Variants in LRRC32 observed in about 807,000 individuals in gnomAD.
The protein encoded by LRRC32 is leucine rich repeat containing 32.
In LRRC32, 5 loss-of-function variants were observed where a neutral mutation model predicts 15.0. The ratio of observed to expected loss-of-function variants is 0.33; its 90% CI spans 0.17 to 0.70. The LOEUF (loss-of-function observed/expected upper bound fraction) is 0.70, where lower values mean the gene tolerates loss of function less well. Among genes scored for constraint, LRRC32 ranks in the 30% least tolerant of loss-of-function variants. The pLI, the probability that LRRC32 is intolerant of heterozygous loss-of-function variation, is 0.66. For synonymous variants in LRRC32, 391 were observed against 403.9 expected, an observed-to-expected ratio of 0.97 and a Z score of 0.38; for missense variants, 803 against 854.2, an observed-to-expected ratio of 0.94 and a Z score of 0.75.
In LRRC32 at chr11:76,660,374, CAAAGGTGTATG is replaced by C; in HGVS notation, c.1208_1218del (p.Pro403ArgfsTer24). ...AGCCGCTGCAGGCTGGCCAGATTGGCAAAGGTGTATGGGGGCAGGTCCCGCAGGGCATTGCC... is the reference window on the plus strand; with the variant it reads ...AGCCGCTGCAGGCTGGCCAGATTGGCGGGGCAGGTCCCGCAGGGCATTGCC... On this transcript the variant is annotated frameshift_variant, in exon 3 of 3. Transcript: ENST00000260061. LOFTEE classifies it low-confidence loss of function (END_TRUNC). The C allele has an allele frequency of 6.2e-7, 1 of 1,613,478 alleles. No individual in the cohort carries two copies.
chr11:76,659,796 G>C lies in LRRC32; in HGVS notation c.1797C>G (p.Ile599Met). The C allele has an allele frequency of 6.2e-7, 1 of 1,614,220 alleles. No individual in the cohort carries two copies. Among genetic ancestry groups the C allele is most frequent in the Non-Finnish European group, 8.5e-7 (1 of 1,180,040 alleles). Reference sequence around the variant, plus strand: ...CCTCCTCCTGGGAGCTGAAGCGGCAGATCAGGTCCTGGGTGGCGTCCACGT... The same window carrying C: ...CCTCCTCCTGGGAGCTGAAGCGGCACATCAGGTCCTGGGTGGCGTCCACGT... ...RVDVDATQDL[I>M]CRFSSQEEVS... The change falls in exon 3 of 3, where the codon ATC (isoleucine) becomes ATG (methionine). Residue 599 changes from isoleucine to methionine, a missense_variant. Physicochemically the swap from Ile to Met is conservative, Grantham distance 10 (BLOSUM62 1). Coordinates refer to ENST00000260061, the MANE Select transcript of LRRC32 (RefSeq NM_001128922.2).
At position 76,665,906 on chromosome 11, in the gene LRRC32, C is replaced by T; in HGVS notation, c.49G>A (p.Ala17Thr). The change falls in exon 2 of 3, where the codon GCT becomes ACT. Residue 17 changes from alanine (A) to threonine (T), a missense_variant. By Grantham distance (58) the Ala-to-Thr change is moderately conservative. Transcript: ENST00000260061. ...LLLALLTLGL[A>T]AQHQDKVPCK... Reference sequence around the variant, plus strand: ...GGCACTTTGTCTTGGTGTTGTGCAGCCAGGCCTAGGGTCAGCAGGGCCAGG... The same window carrying T: ...GGCACTTTGTCTTGGTGTTGTGCAGTCAGGCCTAGGGTCAGCAGGGCCAGG... The T allele has an allele frequency of 6.2e-7, 1 of 1,614,070 alleles. No individual in the cohort carries two copies. The highest frequency in any genetic ancestry group is 1.3e-5 in the African/African-American group (1 of 75,022).
rs1185477302 is a variant in LRRC32, at chr11:76,659,693, A to C, written c.1900T>G (p.Phe634Val). The C allele has an allele frequency of 6.2e-7, 1 of 1,614,072 alleles. No homozygotes were observed. Among genetic ancestry groups the C allele is most frequent in the Non-Finnish European group, 8.5e-7 (1 of 1,180,024 alleles). ...AGGAGGATGGCAGAGACCAGTATGA[A>C]GGTGAGGATGATGATGAGGTTGATG... ...KNINLIIILTFILVSAILLTT... is the reference protein window; with the variant it reads ...KNINLIIILTVILVSAILLTT... Residue 634 changes from phenylalanine to valine, a missense_variant, in exon 3 of 3, where the codon TTC becomes GTC. By Grantham distance (50) the Phe-to-Val change is conservative. Coordinates refer to ENST00000260061, the MANE Select transcript of LRRC32 (RefSeq NM_001128922.2).
At chr11:76,665,499 C>CATCCCTCATCCCAG (rs1952610688) in intron 2 of LRRC32, among the ~76,000 whole-genome samples, 1 of 152,156 alleles carries the variant, frequency 6.6e-6, no homozygotes, top group African/African-American at 2.4e-5. Flanking sequence ...TCCCAGCTGG[C>CATCCCTCATCCCAG]CTACCCCAAA....
intron 2 of LRRC32, among the ~76,000 whole-genome samples, chr11:76,665,566 G>C (rs1382606142): frequency 6.6e-6 from 1 of 152,132 alleles, no homozygotes; most frequent in African/African-American, 2.4e-5. Flanking sequence ...TGCTCTGTGG[G>C]GACAGCTTGG....
chr11:76,670,055 A>G (rs2120124803), intron 1 of LRRC32: 1 of 152,462 alleles, frequency 6.6e-6, no homozygotes, highest in East Asian at 1.9e-4. Context: ...AGACATGTGC[A>G]TCCCACGGGG....
chr11:76,667,675 G>A (rs975531394), intron 1 of LRRC32, among the ~76,000 whole-genome samples: 4 of 152,224 alleles, frequency 2.6e-5, no homozygotes, highest in South Asian at 2.1e-4. Flanking sequence ...GCCACCGCCC[G>A]TTAGAAAGTT....
rs748864675 is a variant in LRRC32 at position 76,660,903 on chromosome 11, G to A, written c.690C>T (p.Ile230=). 2.3e-5 allele frequency: 37 copies of A among 1,614,070 alleles called. No homozygotes were observed. The highest frequency in any genetic ancestry group is 1.6e-4 in the Middle Eastern group (1 of 6,082). ...LRVLDLSCNS[I]EAFQTASQPQ... ...GCTGGGAGGCCGTCTGAAAGGCCTC[G>A]ATGCTGTTGCAGCTCAGGTCTAGCA... Residue 230 remains isoleucine, a synonymous_variant, in exon 3 of 3, where the codon ATC becomes ATT. Transcript: ENST00000260061.
chr11:76,663,031 C>T (rs1952564286), intron 2 of LRRC32: 1 of 152,326 alleles, frequency 6.6e-6, no homozygotes, highest in African/African-American at 2.4e-5. Flanking sequence ...GCCTCCTCCA[C>T]CAGGGAGCCC....
Position 76,659,580 on chromosome 11 carries a change from G to T in LRRC32, c.*24C>A. 1.2e-6 allele frequency: 2 copies of T among 1,606,834 alleles called. No individual in the cohort carries two copies. The highest frequency in any genetic ancestry group is 2.2e-5 in the South Asian group (2 of 90,068). On this transcript the variant is annotated 3_prime_UTR_variant, in exon 3 of 3. Transcript: ENST00000260061. ...TCTCTGTACCTCAGGCTCCCCCACT[G>T]ACCTAGAGTGTCTCCCGGCTTCTTT...
In LRRC32 at chr11:76,660,004, G is replaced by A. The variant is rs1952484160; in HGVS notation, c.1589C>T (p.Pro530Leu). The A allele has an allele frequency of 6.2e-7, 1 of 1,614,148 alleles. No homozygotes were observed. Among genetic ancestry groups the A allele is most frequent in the Non-Finnish European group, 8.5e-7 (1 of 1,180,050 alleles). Residue 530 changes from proline to leucine, a missense_variant, in exon 3 of 3, where the codon CCC (proline) becomes CTC (leucine). By Grantham distance (98) the Pro-to-Leu change is moderately conservative (BLOSUM62 -3). Coordinates refer to ENST00000260061, the MANE Select transcript of LRRC32 (RefSeq NM_001128922.2). The stretch of plus-strand genomic sequence containing the variant: ...CAGTGACACAGCCTGTGTCCAGGCG[G>A]GAAGGTGGCTCAGGCGGTTCTCGGC... ...NLAENRLSHL[P>L]AWTQAVSLEV...
At chr11:76,668,778 A>T (rs774963732) in intron 1 of LRRC32, among the ~76,000 whole-genome samples, 9 of 152,146 alleles carry the variant, frequency 5.9e-5, no homozygotes, top group Non-Finnish European at 1.3e-4. Context: ...GAGGACAAGG[A>T]AGGGTCCTAG....
intron 1 of LRRC32, among the ~76,000 whole-genome samples, chr11:76,666,235 G>C (rs1047612955): frequency 2.6e-5 from 4 of 152,178 alleles, no homozygotes; most frequent in Admixed American, 1.3e-4. Flanking sequence ...GGGTTTTCAA[G>C]AGACCCCACC....
chr11:76,660,243 C>T lies in LRRC32; in HGVS notation c.1350G>A (p.Leu450=), dbSNP rs780031736. The T allele has an allele frequency of 1.3e-6, 2 of 1,573,586 alleles. No individual in the cohort carries two copies. The highest frequency in any genetic ancestry group is 2.4e-5 in the South Asian group (2 of 83,690). ...SGITSLRSLS[L]VDNEIELLRA... ...TGAGCAGCTCTATCTCATTATCCACCAGGCTCAGGCTGCGGAGGGAGGTGA... is the reference window on the plus strand; with the variant it reads ...TGAGCAGCTCTATCTCATTATCCACTAGGCTCAGGCTGCGGAGGGAGGTGA... Residue 450 remains leucine (L), a synonymous_variant, in exon 3 of 3, where the codon CTG becomes CTA. Coordinates refer to ENST00000260061, the MANE Select transcript of LRRC32 (RefSeq NM_001128922.2).
At chr11:76,668,982 AAGG>A (rs749557957) in intron 1 of LRRC32, among the ~76,000 whole-genome samples, 15 of 152,058 alleles carry the variant, frequency 9.9e-5, no homozygotes, top group Non-Finnish European at 1.5e-4. Context: ...CTCTCTCAAA[AAGG>A]AGGACGGTGT....
chr11:76,663,485 T>G (rs912946923), intron 2 of LRRC32: 2 of 152,084 alleles, frequency 1.3e-5, no homozygotes, highest in Non-Finnish European at 2.9e-5. Flanking sequence ...CCAAGGTGAG[T>G]AGGGGGAGGA....
Position 76,659,333 on chromosome 11 carries a change from A to C in LRRC32, c.*271T>G, listed in dbSNP as rs1952467914. The stretch of plus-strand genomic sequence containing the variant: ...CAGAGCAGGGTGTGGCACAAAATAC[A>C]TGCTCAGTGAAGATTTGTTGATCTG... On this transcript the variant is annotated 3_prime_UTR_variant, in exon 3 of 3. Transcript: ENST00000260061. 6.6e-6 allele frequency: 3 copies of C among 456,888 alleles called. No homozygotes were observed. The highest frequency in any genetic ancestry group is 2.9e-5 in the South Asian group (1 of 34,790). The allele number at this position is 456,888 out of a possible 1,614,324, so 28.3% of individuals were successfully genotyped here. A position where few individuals can be genotyped will look rare whatever the true frequency, so the allele number is the denominator to read the frequency against.
Position 76,661,514 on chromosome 11 carries a change from G to A in LRRC32, c.85-6C>T, listed in dbSNP as rs781765644. ...CACGAGACCTTCTTGTCCACCTGGG[G>A]AGGGGTAGGGTGGGGAGACAGCTGG... On this transcript the variant is annotated splice_region_variant and splice_polypyrimidine_tract_variant and intron_variant, in intron 2 of 2. Coordinates refer to ENST00000260061, the MANE Select transcript of LRRC32 (RefSeq NM_001128922.2). The A allele has an allele frequency of 3.2e-6, 5 of 1,583,590 alleles. No individual in the cohort carries two copies. Among genetic ancestry groups the A allele is most frequent in the South Asian group, 1.1e-5 (1 of 87,332 alleles).
At chr11:76,664,851 C>T (rs1298867180) in intron 2 of LRRC32, among the ~76,000 whole-genome samples, 4 of 152,190 alleles carry the variant, frequency 2.6e-5, no homozygotes, top group Non-Finnish European at 2.9e-5. Context: ...TTCTGGGCTC[C>T]GGGAATCTTA....
Sources: gnomAD v4.1 joint callset for allele counts (sites outside exome capture counted in the v4.1 genomes callset) on GRCh38, gnomAD v4.1.1 for gene constraint, MANE v1.5 for transcripts, NCBI Gene and HGNC (gene_info 2026-07-23, HGNC 2026-07-21) for gene names.